TSPAN18: variants seen among roughly 807,000 people sequenced by gnomAD.
TSPAN18 encodes the protein tetraspanin 18.
Under a neutral mutation model 27.3 loss-of-function variants are expected in TSPAN18, and 14 were observed. That is an observed-to-expected ratio of 0.51 (90% CI 0.34 to 0.80). The LOEUF (loss-of-function observed/expected upper bound fraction) is 0.80, where lower values mean the gene tolerates loss of function less well. TSPAN18 is among the 30% of genes least tolerant of loss of function. The probability of loss-of-function intolerance (pLI) is 0.01; values close to 1 mark genes in which losing one functional copy is unlikely to be tolerated. For missense variants in TSPAN18, 268 were observed against 323.9 expected, an observed-to-expected ratio of 0.83 and a Z score of 1.32; for synonymous variants, 143 against 136.5, an observed-to-expected ratio of 1.05 and a Z score of -0.33.
At chr11:44,856,048 T>C (rs1283866627) in intron 2 of TSPAN18, among the ~76,000 whole-genome samples, 1 of 151,824 alleles carries the variant, frequency 6.6e-6, no homozygotes, top group Non-Finnish European at 1.5e-5. Flanking sequence ...CACGCCTGGC[T>C]AATTTTTTGT....
In TSPAN18 at chr11:44,781,154, T is replaced by C. The variant is rs187949680; in HGVS notation, c.-153+16642T>C. Among the ~76,000 whole-genome samples, 744 of 152,242 alleles carry C rather than the reference T, an allele frequency of 4.9e-3. 6 individuals are homozygous for C. Among genetic ancestry groups the C allele is most frequent in the African/African-American group, 0.016 (674 of 41,540 alleles). The stretch of plus-strand genomic sequence containing the variant: ...AGCCTTGCTGGAGGGCCCTGGCCAG[T>C]CTCTCCCCATGTGTAGAGTAGAGAT... On this transcript the variant is annotated intron_variant, in intron 2 of 9. Coordinates refer to ENST00000520358, the MANE Select transcript of TSPAN18 (RefSeq NM_130783.5).
intron 1 of TSPAN18, among the ~76,000 whole-genome samples, chr11:44,750,554 T>C (rs983753042): frequency 1.3e-5 from 2 of 152,166 alleles, no homozygotes; most frequent in Non-Finnish European, 2.9e-5. Flanking sequence ...CCTATTTGAA[T>C]GCAACATCTC....
rs141709746 is a variant in TSPAN18 at position 44,905,885 on chromosome 11, G to A, written c.-10-522G>A. Among the ~76,000 whole-genome samples the A allele has an allele frequency of 7.9e-3, 1,198 of 152,244 alleles. 3 individuals carry two copies. Among genetic ancestry groups the A allele is most frequent in the Admixed American group, 0.016 (242 of 15,298 alleles). On this transcript the variant is annotated intron_variant, in intron 3 of 9. Transcript: ENST00000520358. The stretch of plus-strand genomic sequence containing the variant: ...CCTTTTCCCTGCAACACCCCATCTC[G>A]CTGGCACCAAGCAACCGCCCTGGTC...
At chr11:44,790,504 T>C (rs835863) in intron 2 of TSPAN18, among the ~76,000 whole-genome samples, 120,721 of 148,130 alleles carry the variant, frequency 0.81, 52,044 homozygotes, top group Non-Finnish European at 0.97. Flanking sequence ...TGCATATGTT[T>C]GTGTGTGCAT....
At chr11:44,831,956 A>ACCATGG (rs1162906955) in intron 2 of TSPAN18, among the ~76,000 whole-genome samples, 1 of 152,184 alleles carries the variant, frequency 6.6e-6, no homozygotes, top group Non-Finnish European at 1.5e-5. Flanking sequence ...GTGAACCAGC[A>ACCATGG]CCATGGCCCC....
In TSPAN18 at chr11:44,748,817, C is replaced by T. The variant is rs533666905; in HGVS notation, c.-239-15609C>T. Among the ~76,000 whole-genome samples the T allele has an allele frequency of 7.2e-5, 11 of 152,298 alleles. No homozygotes were observed. In the East Asian group the frequency reaches 9.7e-4, roughly 13 times the overall value. ...AATCAAGACAAAGATTTTGCGTTTC[C>T]TGCACCACATCCACCAGAAGGATCC... On this transcript the variant is annotated intron_variant, in intron 1 of 9. Coordinates refer to ENST00000520358, the MANE Select transcript of TSPAN18 (RefSeq NM_130783.5).
chr11:44,779,346 G>A (rs144092286), intron 2 of TSPAN18, among the ~76,000 whole-genome samples: 1 of 152,308 alleles, frequency 6.6e-6, no homozygotes, highest in Non-Finnish European at 1.5e-5. Flanking sequence ...GGGGCCAGAT[G>A]CTTTCAGATG....
intron 1 of TSPAN18, among the ~76,000 whole-genome samples, chr11:44,742,724 C>T (rs1854974106): frequency 6.6e-6 from 1 of 152,234 alleles, no homozygotes; most frequent in Admixed American, 6.5e-5. Flanking sequence ...CCCCTGCCCC[C>T]AGCGTGCTGA....
At chr11:44,918,661 C>G (rs987423637) in intron 6 of TSPAN18, among the ~76,000 whole-genome samples, 7 of 152,066 alleles carry the variant, frequency 4.6e-5, no homozygotes, top group Non-Finnish European at 1.0e-4. Flanking sequence ...GAGGAGGCCA[C>G]CACAGCCTGT....
intron 8 of TSPAN18, among the ~76,000 whole-genome samples, chr11:44,924,152 A>G (rs182357643): frequency 1.6e-3 from 230 of 141,644 alleles, no homozygotes; most frequent in African/African-American, 6.2e-3. Flanking sequence ...AGTGACACCC[A>G]ACTCTATGCT....
At chr11:44,822,253 A>G (rs1281964742) in intron 2 of TSPAN18, among the ~76,000 whole-genome samples, 1 of 152,124 alleles carries the variant, frequency 6.6e-6, no homozygotes, top group Non-Finnish European at 1.5e-5. Context: ...GGGTAAGATG[A>G]TTGGTAATAA....
chr11:44,791,905 T>C (rs1856234154), intron 2 of TSPAN18, among the ~76,000 whole-genome samples: 1 of 152,128 alleles, frequency 6.6e-6, no homozygotes, highest in African/African-American at 2.4e-5. Context: ...CAGCAGTAAA[T>C]TTGGGGCTAG....
intron 1 of TSPAN18, among the ~76,000 whole-genome samples, chr11:44,743,233 G>T (rs1408389128): frequency 6.6e-6 from 1 of 152,158 alleles, no homozygotes; most frequent in Non-Finnish European, 1.5e-5. Context: ...CTTGGTGATG[G>T]CCTTAAGCCA....
rs1050304395 is a variant in TSPAN18 at position 44,727,258 on chromosome 11, G to A, written c.-269G>A. ...TTCCCCCCGGCCGCCGGCGGGATTT[G>A]GCGCGGGGTCCGGCAGCCGCCGCTG... On this transcript the variant is annotated 5_prime_UTR_variant, in exon 1 of 10. Transcript: ENST00000520358. The A allele has an allele frequency of 2.0e-5, 3 of 151,870 alleles. No individual in the cohort carries two copies. The highest frequency in any genetic ancestry group is 7.2e-5 in the African/African-American group (3 of 41,384). 9.4% of individuals were successfully genotyped at this position (151,870 alleles called of 1,614,324 possible). A position where few individuals can be genotyped will look rare whatever the true frequency, so the allele number is the denominator to read the frequency against.
intron 3 of TSPAN18, among the ~76,000 whole-genome samples, chr11:44,895,383 C>T (rs530774533): frequency 2.6e-5 from 4 of 152,276 alleles, no homozygotes; most frequent in South Asian, 2.1e-4. Context: ...CACAGTTTTC[C>T]AAGGAGAACC....
intron 2 of TSPAN18, among the ~76,000 whole-genome samples, chr11:44,767,140 G>A (rs1022102585): frequency 1.3e-5 from 2 of 152,210 alleles, no homozygotes; most frequent in Non-Finnish European, 2.9e-5. Context: ...AAAAAGGGCT[G>A]TGAGAGGGAC....
chr11:44,838,227 C>T (rs924513022), intron 2 of TSPAN18, among the ~76,000 whole-genome samples: 2 of 152,126 alleles, frequency 1.3e-5, no homozygotes, highest in Non-Finnish European at 2.9e-5. Context: ...CTGGGGAGGC[C>T]TCACAATCAT....
chr11:44,729,189 A>G (rs1349176345), intron 1 of TSPAN18, among the ~76,000 whole-genome samples: 1 of 152,258 alleles, frequency 6.6e-6, no homozygotes, highest in Non-Finnish European at 1.5e-5. Context: ...GAGGAGAGAA[A>G]GGAAAGGGTG....
chr11:44,809,563 G>A (rs569543151), intron 2 of TSPAN18, among the ~76,000 whole-genome samples: 172 of 152,286 alleles, frequency 1.1e-3, no homozygotes, highest in African/African-American at 4.0e-3. Context: ...CCAGCTTCTC[G>A]CTTGATGCTG....
Sources: allele counts gnomAD v4.1 joint callset (sites outside exome capture counted in the v4.1 genomes callset), GRCh38; gene constraint gnomAD v4.1.1; transcripts MANE v1.5; gene names NCBI Gene and HGNC (gene_info 2026-07-23, HGNC 2026-07-21).